SLC7A1: variants seen among roughly 807,000 people sequenced by gnomAD.
The protein encoded by SLC7A1 is solute carrier family 7 member 1.
In SLC7A1, 10 loss-of-function variants were observed where a neutral mutation model predicts 53.9. The ratio of observed to expected loss-of-function variants is 0.19; its 90% CI spans 0.11 to 0.31. The LOEUF is 0.31. SLC7A1 is among the 10% of genes least tolerant of loss of function. The probability of loss-of-function intolerance (pLI) is 1.00; values close to 1 mark genes in which losing one functional copy is unlikely to be tolerated. For synonymous variants in SLC7A1, 342 were observed against 338.7 expected (o/e 1.01, Z -0.11); for missense variants, 525 against 827.2 (o/e 0.63, Z 4.48).
intron 1 of SLC7A1, among the ~76,000 whole-genome samples, chr13:29,579,562 C>A (rs1871556308): frequency 6.6e-6 from 1 of 152,072 alleles, no homozygotes; most frequent in African/African-American, 2.4e-5. Context: ...AGGGTTTTGC[C>A]ATATTGGCCA....
At chr13:29,578,352 G>GGCACAA (rs1383441195) in intron 1 of SLC7A1, among the ~76,000 whole-genome samples, 1 of 152,020 alleles carries the variant, frequency 6.6e-6, no homozygotes, top group African/African-American at 2.4e-5. Flanking sequence ...AACCTTACGT[G>GGCACAA]AACTCAGTGG....
chr13:29,579,499 T>C (rs1206682173), intron 1 of SLC7A1, among the ~76,000 whole-genome samples: 1 of 152,136 alleles, frequency 6.6e-6, no homozygotes, highest in African/African-American at 2.4e-5. Context: ...TAGCTGGTAC[T>C]ACAGGCACAC....
chr13:29,567,941 G>T (rs552270460), intron 1 of SLC7A1, among the ~76,000 whole-genome samples: 1 of 152,186 alleles, frequency 6.6e-6, no homozygotes, highest in South Asian at 2.1e-4. Flanking sequence ...TTCTAGGAGG[G>T]ATTGACTCCA....
chr13:29,531,176 T>C (rs1052026307), intron 4 of SLC7A1, among the ~76,000 whole-genome samples: 6 of 152,236 alleles, frequency 3.9e-5, no homozygotes, highest in African/African-American at 7.2e-5. Context: ...GAAATTATTC[T>C]GGTTGACTTT....
At chr13:29,520,199 T>A (rs958731234) in intron 8 of SLC7A1, among the ~76,000 whole-genome samples, 6 of 152,096 alleles carry the variant, frequency 3.9e-5, no homozygotes, top group African/African-American at 1.4e-4. Context: ...CTACCCATCT[T>A]CCATCCATCC....
At chr13:29,537,652 C>T (rs1272135188) in intron 2 of SLC7A1, among the ~76,000 whole-genome samples, 1 of 152,206 alleles carries the variant, frequency 6.6e-6, no homozygotes, top group Non-Finnish European at 1.5e-5. Flanking sequence ...CATGCAAGCT[C>T]TGTACTCTTC....
chr13:29,526,034 G>C (rs950778973), intron 5 of SLC7A1, among the ~76,000 whole-genome samples: 3 of 152,240 alleles, frequency 2.0e-5, no homozygotes, highest in Non-Finnish European at 2.9e-5. Flanking sequence ...TGGCTCAAGA[G>C]GGGGAGGATG....
At chr13:29,555,752 T>C (rs1018387801) in intron 1 of SLC7A1, among the ~76,000 whole-genome samples, 2 of 151,982 alleles carry the variant, frequency 1.3e-5, no homozygotes, top group African/African-American at 4.8e-5. Context: ...AAGAAAAAAA[T>C]GGGAATTTCA....
chr13:29,510,315 C>T lies in SLC7A1; in HGVS notation c.*4165G>A, dbSNP rs1020133405. 2 of 152,576 alleles carry T rather than the reference C, an allele frequency of 1.3e-5. No homozygotes were observed. Among genetic ancestry groups the T allele is most frequent in the South Asian group, 2.1e-4 (1 of 4,832 alleles). 9.5% of individuals were successfully genotyped at this position (152,576 alleles called of 1,614,324 possible). On this transcript the variant is annotated 3_prime_UTR_variant, in exon 13 of 13. Coordinates refer to ENST00000380752, the MANE Select transcript of SLC7A1 (RefSeq NM_003045.5). Reference sequence around the variant, plus strand: ...GAGGGGTGAAGATGGAGTCGGCTGACATTTTTTGCCTTAAAAATACATTAG... The same window carrying T: ...GAGGGGTGAAGATGGAGTCGGCTGATATTTTTTGCCTTAAAAATACATTAG...
intron 2 of SLC7A1, among the ~76,000 whole-genome samples, chr13:29,541,066 G>A (rs972350697): frequency 3.3e-5 from 5 of 152,180 alleles, no homozygotes; most frequent in African/African-American, 1.2e-4. Flanking sequence ...ACAGGTGGGA[G>A]AAGGGGATGC....
At chr13:29,579,687 C>T (rs929030045) in intron 1 of SLC7A1, among the ~76,000 whole-genome samples, 14 of 152,112 alleles carry the variant, frequency 9.2e-5, no homozygotes, top group African/African-American at 1.7e-4. Context: ...GTTTGGTCCA[C>T]GACTGCTCAC....
In SLC7A1 at chr13:29,509,831, GT is replaced by G. The variant is rs1883341399; in HGVS notation, c.*4648del. On this transcript the variant is annotated 3_prime_UTR_variant, in exon 13 of 13. Transcript: ENST00000380752. ...TACTGGAGAAACCACAGCTATTCAGGTTTGATAATAAACCAACCCTCATTGG... is the reference window on the plus strand; with the variant it reads ...TACTGGAGAAACCACAGCTATTCAGGTTGATAATAAACCAACCCTCATTGG... 1 of 152,528 alleles carries G rather than the reference GT, an allele frequency of 6.6e-6. No homozygotes were observed. Among genetic ancestry groups the G allele is most frequent in the South Asian group, 2.1e-4 (1 of 4,824 alleles). The allele number at this position is 152,528 out of a possible 1,614,324, so 9.4% of individuals were successfully genotyped here. A position where few individuals can be genotyped will look rare whatever the true frequency, so the allele number is the denominator to read the frequency against.
chr13:29,580,086 G>A (rs1593582174), intron 1 of SLC7A1, among the ~76,000 whole-genome samples: 1 of 152,132 alleles, frequency 6.6e-6, no homozygotes, highest in East Asian at 1.9e-4. Context: ...CCTCACAGAG[G>A]GTAGCATCTT....
At chr13:29,561,989 C>T (rs1304185058) in intron 1 of SLC7A1, among the ~76,000 whole-genome samples, 1 of 152,204 alleles carries the variant, frequency 6.6e-6, no homozygotes, top group Non-Finnish European at 1.5e-5. Context: ...TTGTTAACTG[C>T]AGTAATACAG....
intron 1 of SLC7A1, among the ~76,000 whole-genome samples, chr13:29,570,119 A>T (rs546510626): frequency 6.6e-6 from 1 of 152,308 alleles, no homozygotes; most frequent in East Asian, 1.9e-4. Context: ...CTGCCTGTGA[A>T]TCCTGGGGAA....
intron 1 of SLC7A1, among the ~76,000 whole-genome samples, chr13:29,566,025 G>C (rs116713034): frequency 0.025 from 3,878 of 152,204 alleles, 166 homozygotes; most frequent in African/African-American, 0.088. Context: ...ATCCTTTCTG[G>C]GGCCTAAGAG....
Position 29,514,326 on chromosome 13 carries a change from C to A in SLC7A1, c.*154G>T. ...AACCGGCTGCAGAGCCGAGGGTGGG[C>A]TGGGGCTGCAGGTCAAGTAATTGCA... On this transcript the variant is annotated 3_prime_UTR_variant, in exon 13 of 13. Transcript: ENST00000380752. 1 of 615,668 alleles carries A rather than the reference C, an allele frequency of 1.6e-6. No homozygotes were observed. Among genetic ancestry groups the A allele is most frequent in the Non-Finnish European group, 2.9e-6 (1 of 343,296 alleles). The allele number at this position is 615,668 out of a possible 1,614,324, so 38.1% of individuals were successfully genotyped here.
chr13:29,593,462 G>A (rs779349317), intron 1 of SLC7A1, among the ~76,000 whole-genome samples: 3 of 152,180 alleles, frequency 2.0e-5, no homozygotes, highest in Non-Finnish European at 4.4e-5. Flanking sequence ...GTATCTCCAA[G>A]GTTAGAGGGA....
intron 1 of SLC7A1, among the ~76,000 whole-genome samples, chr13:29,592,278 A>G (rs1005383491): frequency 6.6e-6 from 1 of 152,192 alleles, no homozygotes; most frequent in Non-Finnish European, 1.5e-5. Context: ...CAATAACTAG[A>G]GGAAAAAAGC....
Sources: allele counts gnomAD v4.1 joint callset (sites outside exome capture counted in the v4.1 genomes callset), GRCh38; gene constraint gnomAD v4.1.1; transcripts MANE v1.5; gene names NCBI Gene and HGNC (gene_info 2026-07-23, HGNC 2026-07-21).